WWOX: variants seen among roughly 807,000 people sequenced by gnomAD.
WWOX encodes WW domain containing oxidoreductase.
Under a neutral mutation model 46.2 loss-of-function variants are expected in WWOX, and 69 were observed. The ratio of observed to expected loss-of-function variants is 1.49; its 90% CI spans 1.23 to 1.82. The LOEUF is 1.82. WWOX is among the 40% of genes most tolerant of loss of function. WWOX has a pLI of 0.00. For synonymous variants in WWOX, 359 were observed against 202.6 expected (o/e 1.77, Z -6.56); for missense variants, 919 against 542.6 (o/e 1.69, Z -6.89).
At chr16:78,560,220 T>C (rs965438240) in intron 8 of WWOX, among the ~76,000 whole-genome samples, 1 of 152,242 alleles carries the variant, frequency 6.6e-6, no homozygotes, top group Non-Finnish European at 1.5e-5. Flanking sequence ...TTTGTGGAAT[T>C]GATTCTGAAA....
At chr16:79,177,663 G>T (rs2050827789) in intron 8 of WWOX, among the ~76,000 whole-genome samples, 1 of 152,168 alleles carries the variant, frequency 6.6e-6, no homozygotes, top group Non-Finnish European at 1.5e-5. Context: ...TGTGTGTTCA[G>T]TTCTGGCTCA....
chr16:78,725,328 T>A (rs974563133), intron 8 of WWOX, among the ~76,000 whole-genome samples: 1 of 123,758 alleles, frequency 8.1e-6, no homozygotes, highest in African/African-American at 3.2e-5. Flanking sequence ...TTTCCTTTTT[T>A]CTTTTCTTTT....
At chr16:78,362,602 C>CT (rs1235504822) in intron 5 of WWOX, among the ~76,000 whole-genome samples, 3 of 151,916 alleles carry the variant, frequency 2.0e-5, no homozygotes, top group African/African-American at 2.4e-5. Flanking sequence ...GAGCAAGACT[C>CT]TATCTACCCC....
At chr16:78,671,977 G>A (rs538882679) in intron 8 of WWOX, among the ~76,000 whole-genome samples, 2 of 152,172 alleles carry the variant, frequency 1.3e-5, no homozygotes, top group Admixed American at 6.5e-5. Flanking sequence ...TATGATCCTT[G>A]GCAGTCTACT....
rs1490619965 is a variant in WWOX at position 78,343,817 on chromosome 16, G to A, written c.517-43043G>A. Among the ~76,000 whole-genome samples, 7 of 120,272 alleles carry A rather than the reference G, an allele frequency of 5.8e-5. 3 individuals carry two copies. Among genetic ancestry groups the A allele is most frequent in the Non-Finnish European group, 9.9e-5 (5 of 50,336 alleles). 78.9% of individuals were successfully genotyped at this position (120,272 alleles called of 152,430 possible). A position where few individuals can be genotyped will look rare whatever the true frequency, so the allele number is the denominator to read the frequency against. The stretch of plus-strand genomic sequence containing the variant: ...GCTCTCAGTTCTTTGTCATTCAGCT[G>A]CTTTAATATTAATATGACACCCGTT... On this transcript the variant is annotated intron_variant, in intron 5 of 8. Coordinates refer to ENST00000566780, the MANE Select transcript of WWOX (RefSeq NM_016373.4).
chr16:78,793,923 A>T (rs1330754312), intron 8 of WWOX, among the ~76,000 whole-genome samples: 3 of 152,072 alleles, frequency 2.0e-5, no homozygotes, highest in African/African-American at 7.2e-5. Flanking sequence ...AAAAAAAGTG[A>T]AATTTTTGAT....
rs1358119383 is a variant in WWOX at position 78,350,998 on chromosome 16, T to A, written c.517-35862T>A. ...TTTTTAGTCTTGTCATTTTATTGGG[T>A]ATGAAGCGGTATTGCATTGTGATTT... On this transcript the variant is annotated intron_variant, in intron 5 of 8. Transcript: ENST00000566780. Among the ~76,000 whole-genome samples, 10 of 56,212 alleles carry A rather than the reference T, an allele frequency of 1.8e-4. 1 individual carries two copies. The highest frequency in any genetic ancestry group is 5.7e-4 in the Non-Finnish European group (10 of 17,548). 36.9% of individuals were successfully genotyped at this position (56,212 alleles called of 152,430 possible).
chr16:79,038,305 G>A (rs1168047184), intron 8 of WWOX, among the ~76,000 whole-genome samples: 1 of 152,094 alleles, frequency 6.6e-6, no homozygotes, highest in Non-Finnish European at 1.5e-5. Context: ...GCGTTTCAAA[G>A]TATAAACAGT....
chr16:78,887,902 A>G (rs2044501567), intron 8 of WWOX, among the ~76,000 whole-genome samples: 1 of 152,178 alleles, frequency 6.6e-6, no homozygotes, highest in Non-Finnish European at 1.5e-5. Context: ...TTCATGTAAA[A>G]TCTTCTTAAT....
chr16:78,456,196 T>G (rs562422225), intron 8 of WWOX, among the ~76,000 whole-genome samples: 3 of 152,184 alleles, frequency 2.0e-5, no homozygotes, highest in Admixed American at 1.3e-4. Flanking sequence ...ATTCAGAGGT[T>G]GTTTTTATAG....
intron 8 of WWOX, among the ~76,000 whole-genome samples, chr16:78,470,849 G>T (rs1290220813): frequency 6.6e-6 from 1 of 152,074 alleles, no homozygotes; most frequent in Non-Finnish European, 1.5e-5. Context: ...CACTGCTATT[G>T]TCCAGTGTGG....
At chr16:78,573,397 G>C (rs2151576546) in intron 8 of WWOX, among the ~76,000 whole-genome samples, 1 of 152,300 alleles carries the variant, frequency 6.6e-6, no homozygotes, top group African/African-American at 2.4e-5. Context: ...TAGCCATTTT[G>C]ACCTGTGAGA....
intron 8 of WWOX, among the ~76,000 whole-genome samples, chr16:78,800,879 T>G (rs1187741560): frequency 2.6e-5 from 4 of 152,246 alleles, no homozygotes; most frequent in Admixed American, 1.3e-4. Context: ...TCTGATAGTT[T>G]AGAAAGCTTT....
chr16:78,382,146 C>G (rs1022926375), intron 5 of WWOX, among the ~76,000 whole-genome samples: 1 of 152,128 alleles, frequency 6.6e-6, no homozygotes, highest in Non-Finnish European at 1.5e-5. Flanking sequence ...AGACAGGGAC[C>G]AAGTCATGGA....
rs111560715 is a variant in WWOX at position 78,519,371 on chromosome 16, G to T, written c.1056+86619G>T. 2.1e-3 allele frequency among the ~76,000 whole-genome samples: 315 copies of T among 152,156 alleles called. 5 individuals are homozygous for T. The highest frequency in any genetic ancestry group is 6.7e-3 in the African/African-American group (278 of 41,522). ...CGGCCATCATTTTGATCACATTTTG[G>T]CTTAGTTTCTTCCTCTACCCTCTTC... On this transcript the variant is annotated intron_variant, in intron 8 of 8. Transcript: ENST00000566780.
intron 4 of WWOX, among the ~76,000 whole-genome samples, chr16:78,156,650 G>C (rs1376024589): frequency 6.6e-6 from 1 of 152,194 alleles, no homozygotes; most frequent in Non-Finnish European, 1.5e-5. Flanking sequence ...TGTACTGGGT[G>C]TGGTGGCTCA....
intron 8 of WWOX, among the ~76,000 whole-genome samples, chr16:78,694,747 A>T (rs1209744598): frequency 6.6e-6 from 1 of 152,140 alleles, no homozygotes; most frequent in African/African-American, 2.4e-5. Context: ...AGAACGCTTT[A>T]TTGGAATATC....
At chr16:78,289,553 C>T (rs575709701) in intron 5 of WWOX, among the ~76,000 whole-genome samples, 161 of 152,256 alleles carry the variant, frequency 1.1e-3, no homozygotes, top group African/African-American at 2.9e-3. Context: ...TCCCAACAAT[C>T]GGTTCCGCTG....
At chr16:78,904,037 T>A (rs1351500938) in intron 8 of WWOX, among the ~76,000 whole-genome samples, 1 of 152,104 alleles carries the variant, frequency 6.6e-6, no homozygotes, top group Admixed American at 6.6e-5. Context: ...CTTTACCCTG[T>A]TATTAACGTG....
Sources: allele counts gnomAD v4.1 joint callset (sites outside exome capture counted in the v4.1 genomes callset), GRCh38; gene constraint gnomAD v4.1.1; transcripts MANE v1.5; gene names NCBI Gene and HGNC (gene_info 2026-07-23, HGNC 2026-07-21).